Variants in TENM4 observed in about 807,000 individuals in gnomAD.
TENM4 encodes the protein teneurin transmembrane protein 4.
Under a neutral mutation model 243.3 loss-of-function variants are expected in TENM4, and 82 were observed. The ratio of observed to expected loss-of-function variants is 0.34; its 90% confidence interval spans 0.28 to 0.40. TENM4 has a LOEUF of 0.40. TENM4 is among the 10% of genes least tolerant of loss of function. TENM4 has a pLI of 1.00. For synonymous variants in TENM4, 1,412 were observed against 1,456.3 expected, an observed-to-expected ratio of 0.97 and a Z score of 0.69; for missense variants, 3,138 against 3,673.3, an observed-to-expected ratio of 0.85 and a Z score of 3.77.
intron 2 of TENM4, among the ~76,000 whole-genome samples, chr11:79,268,892 ATG>A (rs1855923250): frequency 6.6e-6 from 1 of 152,172 alleles, no homozygotes; most frequent in African/African-American, 2.4e-5. Flanking sequence ...TATATGCAAA[ATG>A]TATGTGCTAG....
At chr11:79,012,285 C>T (rs908694092) in intron 6 of TENM4, among the ~76,000 whole-genome samples, 9 of 152,298 alleles carry the variant, frequency 5.9e-5, no homozygotes, top group Admixed American at 2.0e-4. Context: ...TTAGATTCTT[C>T]GCCTTGTGGT....
intron 1 of TENM4, among the ~76,000 whole-genome samples, chr11:79,414,051 C>T (rs74893226): frequency 0.013 from 1,931 of 152,058 alleles, 16 homozygotes; most frequent in Non-Finnish European, 0.02. Context: ...TAATTTATCT[C>T]TATACCTCAA....
At chr11:78,791,013 C>T (rs1313693334) in intron 15 of TENM4, among the ~76,000 whole-genome samples, 1 of 152,166 alleles carries the variant, frequency 6.6e-6, no homozygotes. Context: ...CTGGGCACTC[C>T]TCCACCAGCC....
chr11:78,738,984 C>CT lies in TENM4; in HGVS notation c.2757-415dup, dbSNP rs141331039. Among the ~76,000 whole-genome samples, 645 of 147,116 alleles carry CT rather than the reference C, an allele frequency of 4.4e-3. 3 individuals are homozygous for CT. The highest frequency in any genetic ancestry group is 0.014 in the Middle Eastern group (4 of 288). On this transcript the variant is annotated intron_variant, in intron 19 of 33. Coordinates refer to ENST00000278550, the MANE Select transcript of TENM4 (RefSeq NM_001098816.3). ...GTAGGCATGTGCCAGTTCTTTGAGGCTTTTTTTTTTCATCCTGGTATAGGG... is the reference window on the plus strand; with the variant it reads ...GTAGGCATGTGCCAGTTCTTTGAGGCTTTTTTTTTTTCATCCTGGTATAGGG...
intron 2 of TENM4, among the ~76,000 whole-genome samples, chr11:79,242,961 G>A (rs1855450257): frequency 6.6e-6 from 1 of 152,306 alleles, no homozygotes; most frequent in East Asian, 1.9e-4. Flanking sequence ...CTGTACCCTG[G>A]GGAGGGAGAT....
At chr11:79,436,965 A>G (rs1859283755) in intron 1 of TENM4, among the ~76,000 whole-genome samples, 1 of 152,180 alleles carries the variant, frequency 6.6e-6, no homozygotes, top group Non-Finnish European at 1.5e-5. Flanking sequence ...AAAGCACACA[A>G]ACATCTATGC....
intron 2 of TENM4, among the ~76,000 whole-genome samples, chr11:79,289,008 T>C (rs1836830262): frequency 6.6e-6 from 1 of 152,216 alleles, no homozygotes. Flanking sequence ...GAGAAAATCT[T>C]GTCTCCCAGG....
intron 8 of TENM4, 151 bp downstream of exon 8, chr11:78,891,087 A>G (rs542032379): frequency 2.1e-4 from 139 of 664,920 alleles, no homozygotes; most frequent in Admixed American, 1.2e-3. Context: ...TAAAGGATAA[A>G]CTGTTGCAAG....
chr11:79,153,770 TG>T (rs1012939823), intron 3 of TENM4, among the ~76,000 whole-genome samples: 68 of 152,284 alleles, frequency 4.5e-4, no homozygotes, highest in African/African-American at 1.6e-3. Flanking sequence ...GTTATACCAT[TG>T]CTCATGCTGT....
intron 1 of TENM4, among the ~76,000 whole-genome samples, chr11:79,310,751 T>C (rs945038479): frequency 6.6e-6 from 1 of 152,090 alleles, no homozygotes; most frequent in African/African-American, 2.4e-5. Flanking sequence ...TCACTCTGAG[T>C]CCTGTTTTTC....
intron 4 of TENM4, among the ~76,000 whole-genome samples, chr11:79,135,645 A>G (rs536865608): frequency 1.4e-5 from 2 of 144,550 alleles, no homozygotes; most frequent in African/African-American, 5.7e-5. Context: ...TGTGATATAC[A>G]TATCATATAT....
At chr11:78,789,525 C>G (rs1393249047) in intron 15 of TENM4, among the ~76,000 whole-genome samples, 1 of 152,190 alleles carries the variant, frequency 6.6e-6, no homozygotes, top group Non-Finnish European at 1.5e-5. Flanking sequence ...GGAGGCTGGG[C>G]CTGGGGTCAG....
At chr11:79,373,046 A>G (rs1857817346) in intron 1 of TENM4, among the ~76,000 whole-genome samples, 1 of 149,652 alleles carries the variant, frequency 6.7e-6, no homozygotes, top group South Asian at 2.1e-4. Flanking sequence ...TCATTAGGGC[A>G]GAGTTTTTCT....
chr11:79,180,261 G>C (rs2135137929), intron 3 of TENM4, among the ~76,000 whole-genome samples: 1 of 151,796 alleles, frequency 6.6e-6, no homozygotes, highest in African/African-American at 2.4e-5. Flanking sequence ...CCACTCTCAA[G>C]TGTCTGAGTG....
intron 20 of TENM4, among the ~76,000 whole-genome samples, chr11:78,733,943 C>A (rs527548389): frequency 6.6e-6 from 1 of 152,282 alleles, no homozygotes; most frequent in African/African-American, 2.4e-5. Flanking sequence ...AATCCCAGCA[C>A]TTTGGGAGGC....
chr11:79,361,606 A>T (rs1857590669), intron 1 of TENM4, among the ~76,000 whole-genome samples: 1 of 152,188 alleles, frequency 6.6e-6, no homozygotes, highest in Non-Finnish European at 1.5e-5. Flanking sequence ...TGAACTCTTC[A>T]GTCACCCCTT....
At chr11:79,357,408 C>T (rs1363731606) in intron 1 of TENM4, among the ~76,000 whole-genome samples, 1 of 152,216 alleles carries the variant, frequency 6.6e-6, no homozygotes, top group African/African-American at 2.4e-5. Flanking sequence ...TAAAACCTAA[C>T]CTGGGGACAA....
chr11:78,838,198 T>C (rs1858162538), intron 12 of TENM4, among the ~76,000 whole-genome samples: 1 of 152,236 alleles, frequency 6.6e-6, no homozygotes, highest in East Asian at 1.9e-4. Flanking sequence ...TGTATGTTTA[T>C]TGCGTACTAT....
At chr11:78,816,837 T>G (rs1857613407) in intron 12 of TENM4, among the ~76,000 whole-genome samples, 1 of 152,184 alleles carries the variant, frequency 6.6e-6, no homozygotes, top group African/African-American at 2.4e-5. Flanking sequence ...AATAAAATAA[T>G]AAGTCAACTG....
Sources: allele counts gnomAD v4.1 joint callset (sites outside exome capture counted in the v4.1 genomes callset), GRCh38; gene constraint gnomAD v4.1.1; transcripts MANE v1.5; gene names NCBI Gene and HGNC (gene_info 2026-07-23, HGNC 2026-07-21).